GABRB2: variants seen among roughly 807,000 people sequenced by gnomAD.
GABRB2 encodes gamma-aminobutyric acid type A receptor subunit beta2.
In GABRB2, 16 loss-of-function variants were observed where a neutral mutation model predicts 54.7. That is an observed-to-expected ratio of 0.29 (90% CI 0.20 to 0.44). GABRB2 has a LOEUF of 0.44. GABRB2 is among the 20% of genes least tolerant of loss of function. The pLI, the probability that GABRB2 is intolerant of heterozygous loss-of-function variation, is 1.00. For missense variants in GABRB2, 355 were observed against 644.0 expected (o/e 0.55, Z 4.86); for synonymous variants, 244 against 233.8 (o/e 1.04, Z -0.40).
At chr5:161,334,641 G>C in intron 7 of GABRB2, 111 bp downstream of exon 7, 1 of 1,033,652 alleles carries the variant, frequency 9.7e-7, no homozygotes, top group South Asian at 1.6e-5. Flanking sequence ...CAGTGTGAGA[G>C]GTTCAGTTGC....
chr5:161,359,537 T>C (rs1294157780), intron 5 of GABRB2, among the ~76,000 whole-genome samples: 1 of 151,980 alleles, frequency 6.6e-6, no homozygotes, highest in Non-Finnish European at 1.5e-5. Flanking sequence ...GGCAGTAGAA[T>C]AGGTACGCTT....
chr5:161,359,466 C>CACACACACACACAG (rs1561621430), intron 5 of GABRB2, among the ~76,000 whole-genome samples: 1 of 151,538 alleles, frequency 6.6e-6, no homozygotes, highest in African/African-American at 2.4e-5. Context: ...CACACACACA[C>CACACACACACACAG]AGAGATTGCT....
At chr5:161,423,127 C>T (rs1332739754) in intron 4 of GABRB2, among the ~76,000 whole-genome samples, 2 of 151,896 alleles carry the variant, frequency 1.3e-5, no homozygotes, top group African/African-American at 4.8e-5. Context: ...CATGTATTTG[C>T]AGGTTGTTTT....
chr5:161,532,273 CGT>C (rs1389101978), intron 3 of GABRB2, among the ~76,000 whole-genome samples: 1 of 151,932 alleles, frequency 6.6e-6, no homozygotes, highest in South Asian at 2.1e-4. Flanking sequence ...TATATGTATG[CGT>C]GTGTCTGTAT....
intron 3 of GABRB2, among the ~76,000 whole-genome samples, chr5:161,477,306 C>T (rs1282992983): frequency 2.3e-5 from 3 of 131,068 alleles, no homozygotes; most frequent in Non-Finnish European, 3.2e-5. Context: ...AAAAAAAGAA[C>T]AGTAAGTGTT....
At chr5:161,439,701 C>T (rs78005484) in intron 4 of GABRB2, among the ~76,000 whole-genome samples, 1 of 151,976 alleles carries the variant, frequency 6.6e-6, no homozygotes, top group African/African-American at 2.4e-5. Context: ...TTTCTTTTTG[C>T]TTGTCTGCTT....
chr5:161,539,775 A>C (rs1423721271), intron 3 of GABRB2, among the ~76,000 whole-genome samples: 1 of 152,228 alleles, frequency 6.6e-6, no homozygotes, highest in Non-Finnish European at 1.5e-5. Flanking sequence ...ATATCCCAAT[A>C]AAGCGAGTCT....
intron 2 of GABRB2, 149 bp downstream of exon 2, chr5:161,546,173 A>G: frequency 1.5e-6 from 1 of 651,594 alleles, no homozygotes; most frequent in Non-Finnish European, 2.7e-6. Context: ...ATCCAGCTTA[A>G]GTTTTGATCA....
intron 4 of GABRB2, among the ~76,000 whole-genome samples, chr5:161,432,893 T>A (rs948944540): frequency 2.0e-5 from 3 of 152,218 alleles, no homozygotes; most frequent in Non-Finnish European, 2.9e-5. Context: ...CCATTTTGTG[T>A]CTGGCTGTTT....
At chr5:161,382,397 C>T (rs1755497142) in intron 5 of GABRB2, among the ~76,000 whole-genome samples, 1 of 152,150 alleles carries the variant, frequency 6.6e-6, no homozygotes, top group Admixed American at 6.6e-5. Flanking sequence ...CAGAACAAAT[C>T]CATTTATCCT....
At chr5:161,481,503 G>A (rs1037770593) in intron 3 of GABRB2, among the ~76,000 whole-genome samples, 1 of 151,992 alleles carries the variant, frequency 6.6e-6, no homozygotes, top group Non-Finnish European at 1.5e-5. Context: ...GTAAATGACA[G>A]CTTAAAAATA....
chr5:161,424,271 A>C (rs1276908917), intron 4 of GABRB2, among the ~76,000 whole-genome samples: 1 of 152,172 alleles, frequency 6.6e-6, no homozygotes, highest in Non-Finnish European at 1.5e-5. Context: ...ACAGCCTTCC[A>C]CTGGAAGAAG....
intron 9 of GABRB2, among the ~76,000 whole-genome samples, chr5:161,294,942 A>G (rs977358482): frequency 6.6e-6 from 1 of 152,216 alleles, no homozygotes; most frequent in Non-Finnish European, 1.5e-5. Flanking sequence ...TTTTTTGGAT[A>G]CAATTTCATC....
intron 3 of GABRB2, among the ~76,000 whole-genome samples, chr5:161,466,034 C>T (rs1758266252): frequency 6.6e-6 from 1 of 152,040 alleles, no homozygotes; most frequent in Non-Finnish European, 1.5e-5. Context: ...AACCTTCAAC[C>T]TGTGACAGTT....
chr5:161,414,750 AT>A (rs1756616084), intron 4 of GABRB2, among the ~76,000 whole-genome samples: 1 of 151,232 alleles, frequency 6.6e-6, no homozygotes, highest in Non-Finnish European at 1.5e-5. Flanking sequence ...TATTATAATA[AT>A]AAAACAAATA....
upstream of GABRB2, chr5:161,547,156 T>C (rs1761012822): frequency 6.9e-6 from 1 of 145,926 alleles, no homozygotes; most frequent in Non-Finnish European, 1.5e-5. Context: ...TTGAACTTTA[T>C]TTCCTTGGCA....
At chr5:161,396,124 C>T (rs1294270931) in intron 5 of GABRB2, among the ~76,000 whole-genome samples, 1 of 152,098 alleles carries the variant, frequency 6.6e-6, no homozygotes, top group Non-Finnish European at 1.5e-5. Flanking sequence ...ACTTTGGGCT[C>T]TTATAGCTGC....
intron 5 of GABRB2, among the ~76,000 whole-genome samples, chr5:161,407,494 A>G (rs1756379876): frequency 1.3e-5 from 2 of 152,088 alleles, no homozygotes; most frequent in South Asian, 2.1e-4. Flanking sequence ...TTCCTAAAGC[A>G]TCGGCACACC....
At chr5:161,306,315 C>T (rs1757689502) in intron 9 of GABRB2, among the ~76,000 whole-genome samples, 1 of 152,216 alleles carries the variant, frequency 6.6e-6, no homozygotes, top group Non-Finnish European at 1.5e-5. Context: ...AATCTGACAA[C>T]TTTTTCTCCC....
Sources: gnomAD v4.1 joint callset for allele counts (sites outside exome capture counted in the v4.1 genomes callset) on GRCh38, gnomAD v4.1.1 for gene constraint, MANE v1.5 for transcripts, NCBI Gene and HGNC (gene_info 2026-07-23, HGNC 2026-07-21) for gene names.